CREB3L3: variants seen among roughly 807,000 people sequenced by gnomAD.
CREB3L3 encodes the protein cAMP responsive element binding protein 3 like 3.
A neutral mutation model predicts 44.6 loss-of-function variants in CREB3L3; 40 were observed. The observed-to-expected ratio is 0.90, with a 90% CI of 0.70 to 1.17. The LOEUF (loss-of-function observed/expected upper bound fraction) is 1.17. Among genes scored for constraint, CREB3L3 ranks in the 50% most tolerant of loss-of-function variants. The pLI is 0.00. For missense variants in CREB3L3, 578 were observed against 595.8 expected (o/e 0.97, Z 0.31); for synonymous variants, 273 against 256.3 (o/e 1.06, Z -0.62).
intron 5 of CREB3L3, among the ~76,000 whole-genome samples, chr19:4,166,272 G>C (rs1966903899): frequency 6.7e-6 from 1 of 148,668 alleles, no homozygotes; most frequent in African/African-American, 2.5e-5. Context: ...TTTTTTTCCT[G>C]AGACGGAGTT....
chr19:4,155,878 G>C (rs2041565714), intron 2 of CREB3L3, among the ~76,000 whole-genome samples: 1 of 151,578 alleles, frequency 6.6e-6, no homozygotes, highest in Admixed American at 6.6e-5. Context: ...TTCCCGAGTA[G>C]CTGGGATTAC....
chr19:4,158,342 A>T (rs961005267), intron 3 of CREB3L3, among the ~76,000 whole-genome samples: 17 of 151,676 alleles, frequency 1.1e-4, no homozygotes, highest in African/African-American at 4.1e-4. Context: ...TACTAAAAAT[A>T]CAAAATTAGC....
chr19:4,158,439 G>C (rs1389164569), intron 3 of CREB3L3, among the ~76,000 whole-genome samples: 1 of 152,074 alleles, frequency 6.6e-6, no homozygotes, highest in Non-Finnish European at 1.5e-5. Context: ...GGAGGTTGCA[G>C]TGAGCTGAGA....
chr19:4,168,304 G>T (rs764185301), intron 5 of CREB3L3, 47 bp from the exon 6 acceptor site: 3 of 1,500,766 alleles, frequency 2.0e-6, no homozygotes, highest in Middle Eastern at 3.7e-4. Flanking sequence ...CGGACTCCAA[G>T]TGGGGACTTT....
At position 4,170,209 on chromosome 19, in the gene CREB3L3, G is replaced by GT. The variant is rs1295629299; in HGVS notation, c.890+2dup. 1 of 1,613,972 alleles carries GT rather than the reference G, an allele frequency of 6.2e-7. No individual in the cohort carries two copies. Among genetic ancestry groups the GT allele is most frequent in the Non-Finnish European group, 8.5e-7 (1 of 1,179,980 alleles). On this transcript the variant is annotated splice_donor_variant, in intron 7 of 9. Coordinates refer to ENST00000078445, the MANE Select transcript of CREB3L3 (RefSeq NM_032607.3). LOFTEE classifies it high-confidence loss of function. Reference sequence around the variant, plus strand: ...TCTTGCATCTCGAGAAGCAAAACCTGTGAGTCTGGGTCCAGCTGGGGCAGA... The same window carrying GT: ...TCTTGCATCTCGAGAAGCAAAACCTGTTGAGTCTGGGTCCAGCTGGGGCAGA...
chr19:4,172,010 G>C lies in CREB3L3; in HGVS notation c.*41G>C. On this transcript the variant is annotated 3_prime_UTR_variant, in exon 10 of 10. Coordinates refer to ENST00000078445, the MANE Select transcript of CREB3L3 (RefSeq NM_032607.3). Reference sequence around the variant, plus strand: ...TGCTCCCAGGCCCCTCTGCCCAGGGGTGCCTTGGGGATGCTGCACTGGGCA... The same window carrying C: ...TGCTCCCAGGCCCCTCTGCCCAGGGCTGCCTTGGGGATGCTGCACTGGGCA... 6.6e-7 allele frequency: 1 copy of C among 1,525,232 alleles called. No homozygotes were observed. Among genetic ancestry groups the C allele is most frequent in the African/African-American group, 1.4e-5 (1 of 72,980 alleles). The allele number at this position is 1,525,232 out of a possible 1,614,324, so 94.5% of individuals were successfully genotyped here. A position where few individuals can be genotyped will look rare whatever the true frequency, so the allele number is the denominator to read the frequency against.
Position 4,154,966 on chromosome 19 carries a change from G to C in CREB3L3, c.95G>C (p.Arg32Pro). The C allele has an allele frequency of 6.2e-7, 1 of 1,613,186 alleles. No individual in the cohort carries two copies. The highest frequency in any genetic ancestry group is 2.2e-5 in the East Asian group (1 of 44,874). Residue 32 changes from arginine to proline, a missense_variant, in exon 2 of 10, where the codon CGG becomes CCG. Transcript: ENST00000078445. ...GAGCTCCTGGATCTCCTGTTTGACCGGCAGGACGGCATCCTGAGACACGTG... is the reference window on the plus strand; with the variant it reads ...GAGCTCCTGGATCTCCTGTTTGACCCGCAGGACGGCATCCTGAGACACGTG... Reference protein sequence around the residue: ...SFELLDLLFDRQDGILRHVEL... With the variant: ...SFELLDLLFDPQDGILRHVEL...
intron 4 of CREB3L3, 85 bp from the exon 5 acceptor site, chr19:4,164,418 G>C (rs972568718): frequency 1.9e-6 from 3 of 1,548,450 alleles, no homozygotes; most frequent in Non-Finnish European, 2.7e-6. Flanking sequence ...TGGGGTGATA[G>C]TGTTTTCGAT....
chr19:4,165,777 A>G (rs1168214424), intron 5 of CREB3L3, among the ~76,000 whole-genome samples: 1 of 151,988 alleles, frequency 6.6e-6, no homozygotes, highest in Non-Finnish European at 1.5e-5. Flanking sequence ...CAGGAGGCTG[A>G]GGCAGGAGGA....
intron 6 of CREB3L3, among the ~76,000 whole-genome samples, chr19:4,169,584 CTTTTT>C (rs34259250): frequency 2.1e-5 from 2 of 95,140 alleles, no homozygotes; most frequent in Non-Finnish European, 4.0e-5. Flanking sequence ...GGAGGCTCAG[CTTTTT>C]TTTTTTTTTT....
chr19:4,163,828 A>G (rs1460778724), intron 4 of CREB3L3, among the ~76,000 whole-genome samples: 4 of 136,686 alleles, frequency 2.9e-5, no homozygotes, highest in Non-Finnish European at 4.6e-5. Flanking sequence ...TTTTTGAGAC[A>G]GAGTCTTACT....
chr19:4,165,772 G>A (rs1966891934), intron 5 of CREB3L3, among the ~76,000 whole-genome samples: 1 of 152,024 alleles, frequency 6.6e-6, no homozygotes, highest in Non-Finnish European at 1.5e-5. Context: ...CTTCTCAGGA[G>A]GCTGAGGCAG....
intron 1 of CREB3L3, 88 bp from the exon 2 acceptor site, chr19:4,154,811 A>C (rs1298803957): frequency 1.3e-6 from 2 of 1,592,548 alleles, no homozygotes; most frequent in Non-Finnish European, 1.7e-6. Flanking sequence ...ACTGAACTCT[A>C]GCCGGAAAGA....
chr19:4,156,078 C>T lies in CREB3L3; in HGVS notation c.157-917C>T, dbSNP rs556406074. On this transcript the variant is annotated intron_variant, in intron 2 of 9. Transcript: ENST00000078445. ...TTTCTCTTTCTTTCTCTCTCTCTCT[C>T]GTTTCTCTCTCTCTCTCTCTCTCTC... is the stretch of plus-strand genomic sequence containing the variant. 1.8e-3 allele frequency among the ~76,000 whole-genome samples: 217 copies of T among 123,064 alleles called. 2 individuals carry two copies. Among genetic ancestry groups the T allele is most frequent in the African/African-American group, 5.9e-3 (194 of 32,930 alleles). 80.7% of individuals were successfully genotyped at this position (123,064 alleles called of 152,430 possible). A position where few individuals can be genotyped will look rare whatever the true frequency, so the allele number is the denominator to read the frequency against.
intron 7 of CREB3L3, among the ~76,000 whole-genome samples, chr19:4,170,889 G>A (rs1286162412): frequency 2.0e-5 from 3 of 151,904 alleles, no homozygotes; most frequent in Admixed American, 6.6e-5. Flanking sequence ...CAGCCTGGGC[G>A]ATGGAGCAAG....
intron 3 of CREB3L3, among the ~76,000 whole-genome samples, chr19:4,159,113 G>A (rs966985834): frequency 1.3e-5 from 2 of 151,914 alleles, no homozygotes; most frequent in African/African-American, 4.8e-5. Flanking sequence ...TCAGCCTTGT[G>A]GGACGGACAG....
Position 4,155,002 on chromosome 19 carries a change from A to G in CREB3L3, c.131A>G (p.Glu44Gly), listed in dbSNP as rs779662622. Residue 44 changes from glutamate (E) to glycine (G), a missense_variant, in exon 2 of 10, where the codon GAG (glutamate) becomes GGG (glycine). Transcript: ENST00000078445. ...ATCCTGAGACACGTGGAGCTGGGCG[A>G]GGGCTGGGGTCACGTCAAGGACCAG... ...DGILRHVELG[E>G]GWGHVKDQQV... 3.1e-6 allele frequency: 5 copies of G among 1,610,512 alleles called. No individual in the cohort carries two copies. The African/African-American group carries it at 5.3e-5, about 17-fold the overall frequency.
intron 4 of CREB3L3, among the ~76,000 whole-genome samples, chr19:4,163,444 A>G (rs2041687514): frequency 6.6e-6 from 1 of 152,160 alleles, no homozygotes; most frequent in Non-Finnish European, 1.5e-5. Flanking sequence ...TGATTTCTGA[A>G]GGTAGAATGA....
At chr19:4,167,351 A>C (rs1966928542) in intron 5 of CREB3L3, among the ~76,000 whole-genome samples, 1 of 95,848 alleles carries the variant, frequency 1.0e-5, no homozygotes. Context: ...AGAAAGAAAG[A>C]AAGAGAGAGA....
Sources: gnomAD v4.1 joint callset for allele counts (sites outside exome capture counted in the v4.1 genomes callset) on GRCh38, gnomAD v4.1.1 for gene constraint, MANE v1.5 for transcripts, NCBI Gene and HGNC (gene_info 2026-07-23, HGNC 2026-07-21) for gene names.